The following ZEB1 variants were observed in gnomAD, a reference collection of about 807,000 sequenced individuals.
The protein encoded by ZEB1 is zinc finger E-box-binding homeobox 1.
A neutral mutation model predicts 84.9 loss-of-function variants in ZEB1; 21 were observed. The observed-to-expected ratio is 0.25, with a 90% CI of 0.18 to 0.36. The LOEUF (loss-of-function observed/expected upper bound fraction) is 0.36, where lower values mean the gene tolerates loss of function less well. ZEB1 is among the 10% of genes least tolerant of loss of function. ZEB1 has a pLI of 1.00. For synonymous variants in ZEB1, 420 were observed against 471.1 expected (o/e 0.89, Z 1.41); for missense variants, 1,104 against 1,330.2 (o/e 0.83, Z 2.65).
intron 1 of ZEB1, among the ~76,000 whole-genome samples, chr10:31,333,468 T>C (rs2037252038): frequency 6.6e-6 from 1 of 152,006 alleles, no homozygotes; most frequent in Non-Finnish European, 1.5e-5. Context: ...ATATAAAACT[T>C]GGGAGGAGGG....
intron 1 of ZEB1, among the ~76,000 whole-genome samples, chr10:31,384,504 C>T (rs933135221): frequency 4.6e-5 from 7 of 152,256 alleles, no homozygotes; most frequent in Admixed American, 6.5e-5. Flanking sequence ...ATAGTCATGA[C>T]GGTAGTCCAT....
At chr10:31,354,952 A>G (rs74127717) in intron 1 of ZEB1, among the ~76,000 whole-genome samples, 5,921 of 152,282 alleles carry the variant, frequency 0.039, 378 homozygotes, top group African/African-American at 0.13. Context: ...AGTCATGTCT[A>G]AGTTCACACA....
At chr10:31,421,471 A>G (rs2136044988) in intron 1 of ZEB1, among the ~76,000 whole-genome samples, 1 of 152,256 alleles carries the variant, frequency 6.6e-6, no homozygotes, top group Admixed American at 6.5e-5. Context: ...AGTATCTTGC[A>G]AACTTAAGGC....
At chr10:31,442,160 A>C (rs1042702038) in intron 1 of ZEB1, among the ~76,000 whole-genome samples, 6 of 152,230 alleles carry the variant, frequency 3.9e-5, no homozygotes, top group Admixed American at 2.6e-4. Context: ...AACCAACCCA[A>C]ATGTCCATCA....
At chr10:31,496,915 CAG>C (rs1372594846) in intron 3 of ZEB1, among the ~76,000 whole-genome samples, 2 of 151,984 alleles carry the variant, frequency 1.3e-5, no homozygotes, top group Non-Finnish European at 2.9e-5. Flanking sequence ...TTCTGTAAAA[CAG>C]AGTAAATCTT....
chr10:31,490,671 C>T (rs1019521474), intron 2 of ZEB1, among the ~76,000 whole-genome samples: 14 of 151,316 alleles, frequency 9.3e-5, no homozygotes, highest in African/African-American at 3.1e-4. Flanking sequence ...TCTTTTTTTC[C>T]CAATGTTGCC....
intron 3 of ZEB1, among the ~76,000 whole-genome samples, chr10:31,497,974 T>TAGATAGA (rs58934894): frequency 6.6e-6 from 1 of 150,832 alleles, no homozygotes; most frequent in Non-Finnish European, 1.5e-5. Context: ...GATAGATAGA[T>TAGATAGA]TTAAAAATAT....
chr10:31,384,303 T>C (rs1452985952), intron 1 of ZEB1, among the ~76,000 whole-genome samples: 1 of 152,174 alleles, frequency 6.6e-6, no homozygotes, highest in Non-Finnish European at 1.5e-5. Flanking sequence ...AAGAATGGGC[T>C]ATGAACTGGT....
chr10:31,417,246 A>G (rs528194463), intron 1 of ZEB1, among the ~76,000 whole-genome samples: 2 of 152,292 alleles, frequency 1.3e-5, no homozygotes, highest in South Asian at 2.1e-4. Context: ...CCTTATGGTA[A>G]CATTCATTCT....
intron 1 of ZEB1, among the ~76,000 whole-genome samples, chr10:31,393,617 C>T (rs571619475): frequency 9.2e-5 from 14 of 152,206 alleles, no homozygotes; most frequent in African/African-American, 3.1e-4. Flanking sequence ...TTCATTAAAA[C>T]AGTGCTAGGT....
intron 4 of ZEB1, among the ~76,000 whole-genome samples, chr10:31,509,181 T>C (rs2069517147): frequency 6.6e-6 from 1 of 152,086 alleles, no homozygotes; most frequent in African/African-American, 2.4e-5. Flanking sequence ...TGTAGCTACT[T>C]AGAACTCAGG....
At chr10:31,330,922 T>C (rs1385361658) in intron 1 of ZEB1, among the ~76,000 whole-genome samples, 1 of 151,992 alleles carries the variant, frequency 6.6e-6, no homozygotes, top group African/African-American at 2.4e-5. Flanking sequence ...TTTACAGATC[T>C]CGCTTTTTAA....
chr10:31,398,239 A>G (rs538864985), intron 1 of ZEB1, among the ~76,000 whole-genome samples: 1 of 152,326 alleles, frequency 6.6e-6, no homozygotes, highest in East Asian at 1.9e-4. Context: ...TGGGAAGGGC[A>G]GCTCTTAAAA....
intron 1 of ZEB1, among the ~76,000 whole-genome samples, chr10:31,393,536 GTAGA>G (rs34582037): frequency 0.12 from 18,080 of 151,988 alleles, 2,712 homozygotes; most frequent in African/African-American, 0.35. Flanking sequence ...AAAAGTTGAG[GTAGA>G]TAGATATTAA....
At chr10:31,465,162 G>A (rs1256407085) in intron 2 of ZEB1, among the ~76,000 whole-genome samples, 1 of 152,074 alleles carries the variant, frequency 6.6e-6, no homozygotes, top group Admixed American at 6.6e-5. Context: ...ATACTATAAT[G>A]ATGTTGTGTA....
Position 31,528,743 on chromosome 10 carries a change from A to C in ZEB1, c.*1479A>C, listed in dbSNP as rs1012965608. ...TTTAGTATGAAAATTTGGAAAGTTGATAAGATTTAAAGTAGAGATGCAATT... is the reference window on the plus strand; with the variant it reads ...TTTAGTATGAAAATTTGGAAAGTTGCTAAGATTTAAAGTAGAGATGCAATT... On this transcript the variant is annotated 3_prime_UTR_variant, in exon 9 of 9. Transcript: ENST00000424869. 2.0e-5 allele frequency: 3 copies of C among 152,170 alleles called. No homozygotes were observed. Among genetic ancestry groups the C allele is most frequent in the African/African-American group, 7.2e-5 (3 of 41,442 alleles). 9.4% of individuals were successfully genotyped at this position (152,170 alleles called of 1,614,324 possible).
At chr10:31,439,929 T>G (rs763415293) in intron 1 of ZEB1, among the ~76,000 whole-genome samples, 6 of 152,054 alleles carry the variant, frequency 3.9e-5, no homozygotes, top group Admixed American at 6.5e-5. Context: ...CACTGATGCT[T>G]TAGAAGGTTT....
chr10:31,517,018 A>G (rs942181543), intron 6 of ZEB1, among the ~76,000 whole-genome samples: 4 of 152,100 alleles, frequency 2.6e-5, no homozygotes, highest in Non-Finnish European at 5.9e-5. Context: ...ACATTTTACT[A>G]TATTTTATAA....
chr10:31,386,171 ATAT>A (rs1237791194), intron 1 of ZEB1, among the ~76,000 whole-genome samples: 4 of 151,788 alleles, frequency 2.6e-5, no homozygotes, highest in Non-Finnish European at 5.9e-5. Context: ...ATCTGTATTA[ATAT>A]TCTTCTTCTG....
Sources: allele counts gnomAD v4.1 joint callset (sites outside exome capture counted in the v4.1 genomes callset), GRCh38; gene constraint gnomAD v4.1.1; transcripts MANE v1.5; gene names NCBI Gene and HGNC (gene_info 2026-07-23, HGNC 2026-07-21).